Variants in NRXN1 observed in about 807,000 individuals in gnomAD.
NRXN1 encodes neurexin 1, also known as neurexin-1.
NRXN1 carries 39 observed loss-of-function variants against 150.9 expected under a neutral mutation model. The observed-to-expected ratio is 0.26, with a 90% confidence interval of 0.20 to 0.34. The LOEUF (loss-of-function observed/expected upper bound fraction) is 0.34, where lower values mean the gene tolerates loss of function less well. NRXN1 is among the 10% of genes least tolerant of loss of function. NRXN1 has a pLI of 1.00. For missense variants in NRXN1, 1,815 were observed against 1,949.9 expected (o/e 0.93, Z 1.30); for synonymous variants, 924 against 757.0 (o/e 1.22, Z -3.62).
intron 17 of NRXN1, among the ~76,000 whole-genome samples, chr2:50,399,492 G>T (rs1037459454): frequency 6.6e-6 from 1 of 151,866 alleles, no homozygotes; most frequent in Non-Finnish European, 1.5e-5. Context: ...GGCATGTTCT[G>T]TTCAGTTCCA....
chr2:50,579,293 G>A (rs1401988900), intron 8 of NRXN1, among the ~76,000 whole-genome samples: 1 of 152,146 alleles, frequency 6.6e-6, no homozygotes, highest in African/African-American at 2.4e-5. Context: ...TATTCTAGAG[G>A]TGATGTGACT....
intron 17 of NRXN1, among the ~76,000 whole-genome samples, chr2:50,463,519 T>G (rs1432281739): frequency 1.3e-5 from 2 of 151,922 alleles, no homozygotes; most frequent in East Asian, 3.9e-4. Flanking sequence ...GGAGACACAT[T>G]TATTGAATGA....
intron 19 of NRXN1, among the ~76,000 whole-genome samples, chr2:50,079,699 T>G (rs537294040): frequency 9.2e-5 from 14 of 152,206 alleles, no homozygotes; most frequent in African/African-American, 3.4e-4. Flanking sequence ...AGTATTCTAT[T>G]GAGTTTAAAA....
chr2:50,281,148 CAAAAA>C (rs70946898), intron 17 of NRXN1, among the ~76,000 whole-genome samples: 1,135 of 107,150 alleles, frequency 0.011, 14 homozygotes, highest in African/African-American at 0.036. Context: ...ACTAAAAATA[CAAAAA>C]AAAAAAAAAA....
intron 22 of NRXN1, among the ~76,000 whole-genome samples, chr2:49,941,586 G>A (rs1440468790): frequency 1.3e-5 from 2 of 152,060 alleles, no homozygotes; most frequent in African/African-American, 2.4e-5. Flanking sequence ...AGGTACTCAA[G>A]GTAAGGATTC....
intron 2 of NRXN1, among the ~76,000 whole-genome samples, chr2:50,947,511 G>A (rs188299840): frequency 2.0e-5 from 3 of 151,758 alleles, no homozygotes; most frequent in Admixed American, 1.3e-4. Context: ...GCACGGCAAT[G>A]GAGAACTAAG....
intron 17 of NRXN1, among the ~76,000 whole-genome samples, chr2:50,297,207 G>C (rs1015978607): frequency 2.0e-5 from 3 of 152,016 alleles, no homozygotes; most frequent in Admixed American, 6.6e-5. Context: ...TCTTTTTAAT[G>C]GCTGTATAGT....
chr2:50,553,127 C>T (rs545898247), intron 8 of NRXN1, 102 bp from the exon 9 acceptor site: 61 of 819,150 alleles, frequency 7.4e-5, no homozygotes, highest in Admixed American at 1.7e-4. Flanking sequence ...AAAAGGCACA[C>T]GATATTTAGT....
chr2:50,443,116 C>T (rs10865246), intron 17 of NRXN1, among the ~76,000 whole-genome samples: 17 of 151,726 alleles, frequency 1.1e-4, no homozygotes, highest in Non-Finnish European at 2.5e-4. Context: ...CAAGAAAAAG[C>T]GCATGAGGTA....
At chr2:50,933,614 G>A (rs1251381999) in intron 2 of NRXN1, among the ~76,000 whole-genome samples, 1 of 152,084 alleles carries the variant, frequency 6.6e-6, no homozygotes, top group Non-Finnish European at 1.5e-5. Context: ...TTGAGTTAAT[G>A]TCTAGTGACT....
In NRXN1 at chr2:50,322,859, A is replaced by AT. The variant is rs201275793; in HGVS notation, c.3365-85890dup. Among the ~76,000 whole-genome samples the AT allele has an allele frequency of 7.9e-3, 1,206 of 152,324 alleles. 14 individuals are homozygous for AT. The highest frequency in any genetic ancestry group is 0.028 in the African/African-American group (1,157 of 41,566). Reference sequence around the variant, plus strand: ...GTGTTTTCTCTGTAAGCCATTCTGTATAATAAGCCGACTAACATTCTAACA... The same window carrying AT: ...GTGTTTTCTCTGTAAGCCATTCTGTATTAATAAGCCGACTAACATTCTAACA... On this transcript the variant is annotated intron_variant, in intron 17 of 22. Coordinates refer to ENST00000401669, the MANE Select transcript of NRXN1 (RefSeq NM_001330078.2).
At chr2:50,387,588 G>C (rs906164157) in intron 17 of NRXN1, among the ~76,000 whole-genome samples, 2 of 152,052 alleles carry the variant, frequency 1.3e-5, no homozygotes, top group Non-Finnish European at 2.9e-5. Context: ...CTTCTGCTAA[G>C]GTAGGAGAAG....
chr2:50,527,289 C>T (rs911152644), intron 12 of NRXN1, among the ~76,000 whole-genome samples: 1 of 151,996 alleles, frequency 6.6e-6, no homozygotes, highest in African/African-American at 2.4e-5. Flanking sequence ...CATCTATGCC[C>T]CCAGCTGAAA....
intron 5 of NRXN1, among the ~76,000 whole-genome samples, chr2:50,839,983 TC>T (rs944438968): frequency 2.0e-5 from 3 of 152,138 alleles, no homozygotes; most frequent in African/African-American, 7.2e-5. Context: ...AAGCTTTAAA[TC>T]CTAGTTGTGT....
chr2:50,005,621 A>C (rs1684636508), intron 21 of NRXN1, among the ~76,000 whole-genome samples: 1 of 152,152 alleles, frequency 6.6e-6, no homozygotes, highest in South Asian at 2.1e-4. Context: ...AAACAAAAGC[A>C]CAACCAAAAA....
chr2:49,921,993 T>C lies in NRXN1; in HGVS notation c.4475A>G (p.Lys1492Arg). ...GTTTTTCTTATTTTTGTTGGAGCTT[T>C]TCGCACTGCTGGGTTGTTTCTCCTT... ...VVKEKQPSSA[K>R]SSNKNKKNKD... Residue 1492 changes from lysine (K) to arginine (R), a missense_variant, in exon 23 of 23, where the codon AAA becomes AGA. Around this residue, in one of 6 missense-constraint regions of NRXN1, gnomAD observed 265 missense variants for 307.1 expected, o/e 0.86. Coordinates refer to ENST00000401669, the MANE Select transcript of NRXN1 (RefSeq NM_001330078.2). 6.2e-7 allele frequency: 1 copy of C among 1,614,176 alleles called. No homozygotes were observed. Among genetic ancestry groups the C allele is most frequent in the Non-Finnish European group, 8.5e-7 (1 of 1,180,030 alleles).
intron 15 of NRXN1, among the ~76,000 whole-genome samples, chr2:50,482,502 AT>A (rs72386070): frequency 0.053 from 8,021 of 151,950 alleles, 737 homozygotes; most frequent in African/African-American, 0.18. Context: ...TCCATGTTTC[AT>A]TTTTTTTACT....
intron 17 of NRXN1, among the ~76,000 whole-genome samples, chr2:50,277,074 A>G (rs564327806): frequency 6.6e-6 from 1 of 152,260 alleles, no homozygotes; most frequent in East Asian, 1.9e-4. Flanking sequence ...AAGTAGAAAT[A>G]TTCGTTCAGA....
At chr2:50,828,822 G>A (rs1319098129) in intron 5 of NRXN1, among the ~76,000 whole-genome samples, 4 of 152,138 alleles carry the variant, frequency 2.6e-5, no homozygotes, top group Admixed American at 1.3e-4. Context: ...CTTCCCAGAC[G>A]GGGTGGCGGC....
Sources: allele counts gnomAD v4.1 joint callset (sites outside exome capture counted in the v4.1 genomes callset), GRCh38; gene constraint gnomAD v4.1.1; regional missense constraint gnomAD v4.1.1; transcripts MANE v1.5; gene names NCBI Gene and HGNC (gene_info 2026-07-23, HGNC 2026-07-21).